CDYL2: variants seen among roughly 807,000 people sequenced by gnomAD.
CDYL2 encodes the protein chromodomain Y like 2.
Under a neutral mutation model 49.4 loss-of-function variants are expected in CDYL2, and 23 were observed. The observed-to-expected ratio is 0.47, with a 90% confidence interval of 0.34 to 0.66. The LOEUF (loss-of-function observed/expected upper bound fraction) is 0.66. Among genes scored for constraint, CDYL2 ranks in the 30% least tolerant of loss-of-function variants. The probability of loss-of-function intolerance (pLI) is 0.01; values close to 1 mark genes in which losing one functional copy is unlikely to be tolerated. For missense variants in CDYL2, 678 were observed against 656.4 expected (o/e 1.03, Z -0.36); for synonymous variants, 360 against 268.8 (o/e 1.34, Z -3.32).
chr16:80,651,054 C>T (rs905687561), intron 2 of CDYL2, among the ~76,000 whole-genome samples: 2 of 152,062 alleles, frequency 1.3e-5, no homozygotes, highest in Non-Finnish European at 2.9e-5. Flanking sequence ...GACAGCACAA[C>T]AGGGTGACTC....
chr16:80,747,979 C>T (rs1905989634), intron 1 of CDYL2, among the ~76,000 whole-genome samples: 1 of 151,936 alleles, frequency 6.6e-6, no homozygotes, highest in South Asian at 2.1e-4. Context: ...TCATTTTCTC[C>T]ACTAAACCAT....
chr16:80,655,437 A>T (rs1908764136), intron 2 of CDYL2, among the ~76,000 whole-genome samples: 1 of 152,194 alleles, frequency 6.6e-6, no homozygotes, highest in Admixed American at 6.5e-5. Flanking sequence ...AAAAGCTAAC[A>T]AGTAACTAAT....
In CDYL2 at chr16:80,684,927, T is replaced by C. The variant is rs1567570437; in HGVS notation, c.227A>G (p.Lys76Arg). ...CGGGCCTCGACTGTCACGCAGCAGCTTGGAGGTACTGGACTGCTTCCCTGA... is the reference window on the plus strand; with the variant it reads ...CGGGCCTCGACTGTCACGCAGCAGCCTGGAGGTACTGGACTGCTTCCCTGA... ...IKSGKQSSTS[K>R]LLRDSRGPSV... Residue 76 changes from lysine (K) to arginine (R), a missense_variant, in exon 2 of 7, where the codon AAG becomes AGG. Transcript: ENST00000570137. 1 of 1,614,168 alleles carries C rather than the reference T, an allele frequency of 6.2e-7. No homozygotes were observed. Among genetic ancestry groups the C allele is most frequent in the Non-Finnish European group, 8.5e-7 (1 of 1,180,036 alleles).
chr16:80,650,713 C>G (rs1373646481), intron 2 of CDYL2, among the ~76,000 whole-genome samples: 1 of 152,122 alleles, frequency 6.6e-6, no homozygotes, highest in East Asian at 1.9e-4. Flanking sequence ...GATTTGGAAG[C>G]AACCTAAGCA....
intron 1 of CDYL2, among the ~76,000 whole-genome samples, chr16:80,775,015 G>A (rs13334113): frequency 0.072 from 10,916 of 151,782 alleles, 474 homozygotes; most frequent in African/African-American, 0.12. Context: ...TCTATAGAAA[G>A]AAATATTATT....
At position 80,691,661 on chromosome 16, in the gene CDYL2, T is replaced by A. The variant is rs534613462; in HGVS notation, c.25-6532A>T. Among the ~76,000 whole-genome samples, 4 of 152,298 alleles carry A rather than the reference T, an allele frequency of 2.6e-5. No individual in the cohort carries two copies. In the South Asian group the frequency reaches 8.3e-4, roughly 32 times the overall value. Reference sequence around the variant, plus strand: ...TTTTTAAAACATAAGAACATGATCATAACTAAAATGTTCCCAGTACAATCA... The same window carrying A: ...TTTTTAAAACATAAGAACATGATCAAAACTAAAATGTTCCCAGTACAATCA... On this transcript the variant is annotated intron_variant, in intron 1 of 6. Transcript: ENST00000570137.
intron 1 of CDYL2, among the ~76,000 whole-genome samples, chr16:80,687,379 T>TG (rs1412882435): frequency 6.6e-6 from 1 of 151,580 alleles, no homozygotes; most frequent in African/African-American, 2.4e-5. Context: ...CGTGGGTGGG[T>TG]GGATGGATGG....
At chr16:80,737,861 GGTT>G (rs572427898) in intron 1 of CDYL2, among the ~76,000 whole-genome samples, 6 of 152,088 alleles carry the variant, frequency 3.9e-5, no homozygotes, top group East Asian at 3.8e-4. Flanking sequence ...TTTAGGGACT[GGTT>G]GTTGTTGTTG....
chr16:80,604,625 C>G (rs1396815839), intron 6 of CDYL2, 79 bp from the exon 7 acceptor site: 3 of 1,457,778 alleles, frequency 2.1e-6, no homozygotes, highest in Non-Finnish European at 2.9e-6. Flanking sequence ...CCATGGGGCA[C>G]TGGCCAACCT....
chr16:80,771,427 A>C (rs1906900654), intron 1 of CDYL2, among the ~76,000 whole-genome samples: 1 of 152,222 alleles, frequency 6.6e-6, no homozygotes, highest in African/African-American at 2.4e-5. Context: ...AAAACTGGCC[A>C]GTGCAGTAGA....
intron 3 of CDYL2, among the ~76,000 whole-genome samples, chr16:80,630,646 G>A (rs1197723373): frequency 2.6e-5 from 4 of 152,036 alleles, no homozygotes; most frequent in East Asian, 1.9e-4. Flanking sequence ...TGTTACAGGC[G>A]GAGGATGGAG....
intron 6 of CDYL2, among the ~76,000 whole-genome samples, chr16:80,606,315 T>C (rs748664765): frequency 6.6e-6 from 1 of 152,196 alleles, no homozygotes; most frequent in African/African-American, 2.4e-5. Context: ...TTCACAGCTT[T>C]TGGCAGCAGA....
At chr16:80,700,025 G>T (rs575420696) in intron 1 of CDYL2, among the ~76,000 whole-genome samples, 1 of 152,124 alleles carries the variant, frequency 6.6e-6, no homozygotes, top group African/African-American at 2.4e-5. Context: ...CTGCAACCAC[G>T]CCTGGCTGAT....
chr16:80,759,684 A>G (rs573866271), intron 1 of CDYL2, among the ~76,000 whole-genome samples: 2 of 152,348 alleles, frequency 1.3e-5, no homozygotes, highest in East Asian at 3.9e-4. Flanking sequence ...AAGTAAATGT[A>G]TAACCATAAA....
At chr16:80,689,496 C>T (rs558011604) in intron 1 of CDYL2, among the ~76,000 whole-genome samples, 22 of 152,298 alleles carry the variant, frequency 1.4e-4, no homozygotes, top group African/African-American at 4.3e-4. Context: ...CCCTTGATCA[C>T]ACAGTCAGTA....
chr16:80,726,158 T>C (rs180874266), intron 1 of CDYL2, among the ~76,000 whole-genome samples: 90 of 152,348 alleles, frequency 5.9e-4, no homozygotes, highest in African/African-American at 1.8e-3. Flanking sequence ...AATGGGTTCA[T>C]AGGAGTTCCG....
chr16:80,674,873 A>C (rs566658513), intron 2 of CDYL2, among the ~76,000 whole-genome samples: 1 of 152,248 alleles, frequency 6.6e-6, no homozygotes, highest in African/African-American at 2.4e-5. Context: ...TAGCATTGAA[A>C]TAAACTTTGA....
At chr16:80,607,430 C>T (rs1208183732) in intron 6 of CDYL2, among the ~76,000 whole-genome samples, 2 of 152,172 alleles carry the variant, frequency 1.3e-5, no homozygotes, top group Admixed American at 6.5e-5. Context: ...AAGCACAGAG[C>T]GAGTCCTAGA....
At chr16:80,779,932 A>T (rs1372088304) in intron 1 of CDYL2, among the ~76,000 whole-genome samples, 1 of 152,124 alleles carries the variant, frequency 6.6e-6, no homozygotes, top group East Asian at 1.9e-4. Flanking sequence ...TCTGCTTTAT[A>T]ATCTGGTTTT....
Sources: gnomAD v4.1 joint callset for allele counts (sites outside exome capture counted in the v4.1 genomes callset) on GRCh38, gnomAD v4.1.1 for gene constraint, MANE v1.5 for transcripts, NCBI Gene and HGNC (gene_info 2026-07-23, HGNC 2026-07-21) for gene names.